GALNTL6: variants seen among roughly 807,000 people sequenced by gnomAD.
GALNTL6 encodes the protein polypeptide N-acetylgalactosaminyltransferase like 6.
Under a neutral mutation model 73.7 loss-of-function variants are expected in GALNTL6, and 46 were observed. The ratio of observed to expected loss-of-function variants is 0.62; its 90% CI spans 0.49 to 0.80. The LOEUF is 0.80. Among genes scored for constraint, GALNTL6 ranks in the 30% least tolerant of loss-of-function variants. The probability of loss-of-function intolerance (pLI) is 0.00; values close to 1 mark genes in which losing one functional copy is unlikely to be tolerated. For synonymous variants in GALNTL6, 259 were observed against 263.7 expected (o/e 0.98, Z 0.17); for missense variants, 604 against 755.0 (o/e 0.80, Z 2.34).
chr4:172,363,670 G>A (rs559279251), intron 5 of GALNTL6, among the ~76,000 whole-genome samples: 1 of 152,240 alleles, frequency 6.6e-6, no homozygotes, highest in Admixed American at 6.5e-5. Flanking sequence ...CTTTGAAGAA[G>A]GGAAGTACCT....
chr4:172,920,188 T>C (rs1747724971), intron 8 of GALNTL6, among the ~76,000 whole-genome samples: 1 of 152,200 alleles, frequency 6.6e-6, no homozygotes, highest in Non-Finnish European at 1.5e-5. Flanking sequence ...TAAACACATT[T>C]CTAACTTCTA....
Position 172,477,565 on chromosome 4 carries a change from G to A in GALNTL6, c.553+128876G>A, listed in dbSNP as rs1385154976. On this transcript the variant is annotated intron_variant, in intron 5 of 12. Transcript: ENST00000506823. Reference sequence around the variant, plus strand: ...TTCACTCAGAAGCAACACATGGTAAGATGGTAAAAGACTTAACTGGCTGGC... The same window carrying A: ...TTCACTCAGAAGCAACACATGGTAAAATGGTAAAAGACTTAACTGGCTGGC... Among the ~76,000 whole-genome samples the A allele has an allele frequency of 4.6e-5, 7 of 152,138 alleles. No individual in the cohort carries two copies. The East Asian group carries it at 9.6e-4, about 21-fold the overall frequency.
intron 5 of GALNTL6, among the ~76,000 whole-genome samples, chr4:172,729,404 A>G (rs1736017593): frequency 6.6e-6 from 1 of 152,106 alleles, no homozygotes; most frequent in African/African-American, 2.4e-5. Flanking sequence ...TTTAATTTTT[A>G]TGTAGGGTAA....
chr4:171,867,603 G>A (rs560435402), intron 2 of GALNTL6, among the ~76,000 whole-genome samples: 38 of 152,254 alleles, frequency 2.5e-4, no homozygotes, highest in African/African-American at 8.9e-4. Flanking sequence ...CTATTCATCA[G>A]TGTCTCTGCA....
At chr4:172,626,327 AG>A (rs1739170167) in intron 5 of GALNTL6, among the ~76,000 whole-genome samples, 1 of 152,080 alleles carries the variant, frequency 6.6e-6, no homozygotes, top group African/African-American at 2.4e-5. Context: ...AGATGGCTGC[AG>A]GTGTGGGGCT....
At chr4:172,683,479 T>C (rs1233125430) in intron 5 of GALNTL6, among the ~76,000 whole-genome samples, 1 of 152,242 alleles carries the variant, frequency 6.6e-6, no homozygotes, top group Non-Finnish European at 1.5e-5. Context: ...AATAATTCTT[T>C]CAAGTCTTTT....
intron 2 of GALNTL6, among the ~76,000 whole-genome samples, chr4:172,084,563 G>A (rs1731971253): frequency 6.6e-6 from 1 of 152,142 alleles, no homozygotes; most frequent in Non-Finnish European, 1.5e-5. Context: ...GACGGAAGAG[G>A]TCTGCATCAT....
intron 7 of GALNTL6, among the ~76,000 whole-genome samples, chr4:172,841,383 G>C (rs1743197673): frequency 6.6e-6 from 1 of 152,186 alleles, no homozygotes; most frequent in African/African-American, 2.4e-5. Context: ...CTGGTAAGTA[G>C]AGAGAATAAG....
intron 10 of GALNTL6, among the ~76,000 whole-genome samples, chr4:172,969,249 G>A (rs1366212916): frequency 6.6e-6 from 1 of 152,014 alleles, no homozygotes. Context: ...GACCATGGAA[G>A]GCACAGTAAG....
chr4:171,826,847 G>T (rs1320710016), intron 2 of GALNTL6, among the ~76,000 whole-genome samples: 1 of 151,764 alleles, frequency 6.6e-6, no homozygotes, highest in Non-Finnish European at 1.5e-5. Context: ...CAGGCTTCTC[G>T]GTGCACACCC....
At chr4:172,901,411 T>C (rs759822497) in intron 8 of GALNTL6, among the ~76,000 whole-genome samples, 5 of 152,158 alleles carry the variant, frequency 3.3e-5, no homozygotes, top group Non-Finnish European at 5.9e-5. Flanking sequence ...TGGAACATTT[T>C]TCATCAATTG....
intron 5 of GALNTL6, among the ~76,000 whole-genome samples, chr4:172,642,213 A>G (rs181439448): frequency 6.6e-6 from 1 of 152,154 alleles, no homozygotes; most frequent in Non-Finnish European, 1.5e-5. Flanking sequence ...TGATCCAGCA[A>G]TTGCAACACT....
intron 5 of GALNTL6, among the ~76,000 whole-genome samples, chr4:172,485,020 G>T (rs1021709245): frequency 5.9e-5 from 9 of 152,030 alleles, no homozygotes; most frequent in African/African-American, 2.2e-4. Context: ...ATATAGAATT[G>T]ATTTTATTTC....
At chr4:172,065,379 C>A (rs1160955860) in intron 2 of GALNTL6, among the ~76,000 whole-genome samples, 1 of 152,136 alleles carries the variant, frequency 6.6e-6, no homozygotes, top group African/African-American at 2.4e-5. Context: ...TACTGTGCTG[C>A]GCATTTCCTA....
intron 5 of GALNTL6, among the ~76,000 whole-genome samples, chr4:172,794,863 T>C (rs1433761602): frequency 6.6e-6 from 1 of 152,208 alleles, no homozygotes; most frequent in Non-Finnish European, 1.5e-5. Context: ...TCACGTCCCT[T>C]TCACTCTGAG....
At chr4:172,471,939 T>C (rs2111464502) in intron 5 of GALNTL6, among the ~76,000 whole-genome samples, 1 of 152,340 alleles carries the variant, frequency 6.6e-6, no homozygotes, top group East Asian at 1.9e-4. Context: ...TTTTTCTTTT[T>C]CTTCTCTCTA....
intron 5 of GALNTL6, among the ~76,000 whole-genome samples, chr4:172,788,972 G>T (rs1162573388): frequency 6.6e-6 from 1 of 152,162 alleles, no homozygotes. Context: ...CTGAAACCAT[G>T]TTTTTCCTCT....
At chr4:172,760,097 A>G (rs1579445684) in intron 5 of GALNTL6, among the ~76,000 whole-genome samples, 1 of 151,472 alleles carries the variant, frequency 6.6e-6, no homozygotes, top group Admixed American at 6.6e-5. Context: ...CGGCCTCCCA[A>G]AGTGCTGGGA....
Position 172,291,210 on chromosome 4 carries a change from T to C in GALNTL6, c.248-20404T>C, listed in dbSNP as rs145252638. ...TGTCCTTTGTTTTGAGAGACTATTA[T>C]TACTTTCAGATTTTTATATAGTTTT... is the stretch of plus-strand genomic sequence containing the variant. On this transcript the variant is annotated intron_variant, in intron 3 of 12. Coordinates refer to ENST00000506823, the MANE Select transcript of GALNTL6 (RefSeq NM_001034845.3). Among the ~76,000 whole-genome samples, 915 of 152,224 alleles carry C rather than the reference T, an allele frequency of 6.0e-3. 11 individuals are homozygous for C. The highest frequency in any genetic ancestry group is 0.02 in the African/African-American group (848 of 41,558).
Sources: allele counts gnomAD v4.1 joint callset (sites outside exome capture counted in the v4.1 genomes callset), GRCh38; gene constraint gnomAD v4.1.1; transcripts MANE v1.5; gene names NCBI Gene and HGNC (gene_info 2026-07-23, HGNC 2026-07-21).